Variants in IL1RAPL2 observed in about 807,000 individuals in gnomAD.
The protein encoded by IL1RAPL2 is X-linked interleukin-1 receptor accessory protein-like 2.
A neutral mutation model predicts 44.1 loss-of-function variants in IL1RAPL2; 3 were observed. The observed-to-expected ratio is 0.07, with a 90% CI of 0.03 to 0.18. The LOEUF (loss-of-function observed/expected upper bound fraction) is 0.18, where lower values mean the gene tolerates loss of function less well. IL1RAPL2 is among the 10% of genes least tolerant of loss of function. IL1RAPL2 has a pLI of 1.00. For missense variants in IL1RAPL2, 391 were observed against 496.4 expected (o/e 0.79, Z 2.02); for synonymous variants, 181 against 178.8 (o/e 1.01, Z -0.10).
intron 2 of IL1RAPL2, among the ~76,000 whole-genome samples, chrX:104,674,207 C>G (rs1157095760): frequency 8.9e-6 from 1 of 111,958 alleles, no homozygotes; most frequent in Non-Finnish European, 1.9e-5. Flanking sequence ...CCAGTTTTTG[C>G]CCATTCAGTA....
intron 2 of IL1RAPL2, among the ~76,000 whole-genome samples, chrX:104,687,249 G>T (rs1413001571): frequency 8.9e-6 from 1 of 111,965 alleles, no homozygotes; most frequent in Non-Finnish European, 1.9e-5. Context: ...GTTCTGGAGG[G>T]CGTTCAGGAA....
At chrX:104,825,152 G>C (rs1921418677) in intron 2 of IL1RAPL2, among the ~76,000 whole-genome samples, 1 of 111,483 alleles carries the variant, frequency 9.0e-6, no homozygotes, top group African/African-American at 3.3e-5. Flanking sequence ...TATACCAGGG[G>C]TTCTCAGGGG....
chrX:105,735,504 T>C (rs1569470220), intron 7 of IL1RAPL2, among the ~76,000 whole-genome samples: 1 of 111,587 alleles, frequency 9.0e-6, no homozygotes, highest in African/African-American at 3.3e-5. Context: ...TAACCTCGAC[T>C]CTGAAACCAG....
intron 1 of IL1RAPL2, among the ~76,000 whole-genome samples, chrX:104,644,451 A>G (rs1277095128): frequency 8.9e-6 from 1 of 111,866 alleles, no homozygotes; most frequent in Non-Finnish European, 1.9e-5. Context: ...TACCTGCACC[A>G]TCATCTGTAA....
chrX:104,885,972 G>A (rs1923230842), intron 2 of IL1RAPL2, among the ~76,000 whole-genome samples: 1 of 112,747 alleles, frequency 8.9e-6, no homozygotes, highest in Non-Finnish European at 1.9e-5. Flanking sequence ...GCCAGCTCAT[G>A]TCATCACCCT....
intron 5 of IL1RAPL2, among the ~76,000 whole-genome samples, chrX:105,452,169 G>A (rs1476436220): frequency 9.0e-6 from 1 of 111,167 alleles, no homozygotes; most frequent in Non-Finnish European, 1.9e-5. Flanking sequence ...CTAAACTTAT[G>A]TGCACATTAA....
chrX:105,666,763 A>G (rs901953304), intron 6 of IL1RAPL2, among the ~76,000 whole-genome samples: 3 of 111,601 alleles, frequency 2.7e-5, no homozygotes, highest in African/African-American at 9.8e-5. Context: ...TATCTTATCC[A>G]TATGGACAGG....
At chrX:105,207,625 G>C (rs2033774599) in intron 3 of IL1RAPL2, among the ~76,000 whole-genome samples, 2 of 111,353 alleles carry the variant, frequency 1.8e-5, no homozygotes, top group Non-Finnish European at 3.8e-5. Context: ...TCATCCTCTA[G>C]CACTTTTTTC....
At chrX:105,353,491 G>A (rs752512152) in intron 5 of IL1RAPL2, among the ~76,000 whole-genome samples, 2 of 111,408 alleles carry the variant, frequency 1.8e-5, no homozygotes, top group South Asian at 7.5e-4. Context: ...AGCTTGATGG[G>A]GATAGCATTG....
At chrX:105,081,215 C>T (rs944553417) in intron 2 of IL1RAPL2, among the ~76,000 whole-genome samples, 1 of 111,127 alleles carries the variant, frequency 9.0e-6, no homozygotes, top group Admixed American at 9.6e-5. Context: ...TTATTTCTTT[C>T]TCTTACCTGA....
intron 3 of IL1RAPL2, among the ~76,000 whole-genome samples, chrX:105,212,385 C>T (rs2033814959): frequency 1.8e-5 from 2 of 111,856 alleles, no homozygotes; most frequent in African/African-American, 6.5e-5. Flanking sequence ...TGTGGCAAAG[C>T]GGCTGTGGCC....
intron 6 of IL1RAPL2, among the ~76,000 whole-genome samples, chrX:105,494,261 G>T (rs1384128553): frequency 9.0e-6 from 1 of 110,979 alleles, no homozygotes; most frequent in Non-Finnish European, 1.9e-5. Context: ...TATTCAGTGG[G>T]TTATAGATGC....
chrX:105,546,896 C>T (rs1467591635), intron 6 of IL1RAPL2, among the ~76,000 whole-genome samples: 2 of 112,029 alleles, frequency 1.8e-5, no homozygotes, highest in African/African-American at 3.2e-5. Flanking sequence ...TGAAGTTGAA[C>T]GTATGGTCCT....
At chrX:104,780,321 C>T (rs940626947) in intron 2 of IL1RAPL2, among the ~76,000 whole-genome samples, 2 of 111,954 alleles carry the variant, frequency 1.8e-5, no homozygotes, top group Non-Finnish European at 3.8e-5. Flanking sequence ...TTTACAAATC[C>T]GGGGTAACAC....
intron 2 of IL1RAPL2, among the ~76,000 whole-genome samples, chrX:104,889,890 G>A (rs1402645091): frequency 9.0e-6 from 1 of 111,227 alleles, no homozygotes; most frequent in Non-Finnish European, 1.9e-5. Context: ...ATGTTGGTGT[G>A]CTGCACCTAT....
intron 6 of IL1RAPL2, among the ~76,000 whole-genome samples, chrX:105,549,727 T>C (rs181518273): frequency 9.0e-6 from 1 of 111,223 alleles, no homozygotes; most frequent in African/African-American, 3.3e-5. Flanking sequence ...GGTATAAACA[T>C]CCTAAAAACC....
chrX:105,112,341 A>C (rs955101599), intron 2 of IL1RAPL2, among the ~76,000 whole-genome samples: 2 of 111,984 alleles, frequency 1.8e-5, no homozygotes, highest in Admixed American at 9.5e-5. Context: ...TGACTACATA[A>C]TTTTTCTTGC....
At chrX:104,647,979 A>T (rs1218226006) in intron 1 of IL1RAPL2, 2 of 818,775 alleles carry the variant, frequency 2.4e-6, no homozygotes, top group Non-Finnish European at 3.6e-6. Flanking sequence ...TTGCCAATGG[A>T]CACAAACACT....
chrX:105,283,874 C>T (rs946314358), intron 5 of IL1RAPL2, among the ~76,000 whole-genome samples: 1 of 110,929 alleles, frequency 9.0e-6, no homozygotes, highest in Admixed American at 9.6e-5. Flanking sequence ...AACTGCAGCT[C>T]CTAGGCCCTA....
Sources: allele counts gnomAD v4.1 joint callset (sites outside exome capture counted in the v4.1 genomes callset), GRCh38; gene constraint gnomAD v4.1.1; transcripts MANE v1.5; gene names NCBI Gene and HGNC (gene_info 2026-07-23, HGNC 2026-07-21).